The following RELN variants were observed in gnomAD, a reference collection of about 807,000 sequenced individuals.
RELN encodes the protein reelin.
In RELN, 108 loss-of-function variants were observed where a neutral mutation model predicts 427.6. The observed-to-expected ratio is 0.25, with a 90% CI of 0.22 to 0.30. RELN has a LOEUF of 0.30. RELN is among the 10% of genes least tolerant of loss of function. The pLI, the probability that RELN is intolerant of heterozygous loss-of-function variation, is 1.00. For missense variants in RELN, 3,715 were observed against 4,302.8 expected (o/e 0.86, Z 3.82); for synonymous variants, 1,524 against 1,513.4 (o/e 1.01, Z -0.16).
intron 2 of RELN, among the ~76,000 whole-genome samples, chr7:103,877,739 T>C (rs1044991172): frequency 2.0e-5 from 3 of 152,040 alleles, no homozygotes; most frequent in African/African-American, 7.2e-5. Context: ...TCTCCAGCCA[T>C]CCTAAACTCC....
intron 8 of RELN, among the ~76,000 whole-genome samples, chr7:103,713,037 G>C (rs1789844900): frequency 6.6e-6 from 1 of 152,126 alleles, no homozygotes; most frequent in Non-Finnish European, 1.5e-5. Context: ...TTAAAAATGA[G>C]CTGCCTTTTC....
In RELN at chr7:103,555,156, G is replaced by C. The variant is rs932024140; in HGVS notation, c.5798-1325C>G. 4.6e-5 allele frequency among the ~76,000 whole-genome samples: 7 copies of C among 152,122 alleles called. No homozygotes were observed. In the East Asian group the frequency reaches 1.2e-3, roughly 25 times the overall value. On this transcript the variant is annotated intron_variant, in intron 38 of 64. Coordinates refer to ENST00000428762, the MANE Select transcript of RELN (RefSeq NM_005045.4). ...CCAGGTGTTTAAGGAATATGTTAGA[G>C]TAGATAATAACGGCAAAAGCCAGGC... is the stretch of plus-strand genomic sequence containing the variant.
At chr7:103,755,314 A>C (rs1275116992) in intron 4 of RELN, among the ~76,000 whole-genome samples, 2 of 152,060 alleles carry the variant, frequency 1.3e-5, no homozygotes, top group African/African-American at 4.8e-5. Context: ...TAAAAATAAA[A>C]AAATAAAAAA....
rs3217000 is a variant in RELN, at chr7:103,486,042, CAT to C, written c.9983+153_9983+154del. On this transcript the variant is annotated intron_variant, in intron 61 of 64. Transcript: ENST00000428762. Reference sequence around the variant, plus strand: ...CGAAACATAATTCTGAGTTGTGAAACATATATGCTTCCTTGTCCCAAATTCAA... The same window carrying C: ...CGAAACATAATTCTGAGTTGTGAAACATATGCTTCCTTGTCCCAAATTCAA... 0.13 allele frequency among the ~76,000 whole-genome samples: 20,059 copies of C among 152,138 alleles called. 1,508 individuals carry two copies. Among genetic ancestry groups the C allele is most frequent in the East Asian group, 0.26 (1,340 of 5,178 alleles).
At chr7:103,861,478 TAG>T (rs1214434356) in intron 2 of RELN, among the ~76,000 whole-genome samples, 6 of 152,146 alleles carry the variant, frequency 3.9e-5, no homozygotes, top group African/African-American at 1.4e-4. Flanking sequence ...AGGTATATTT[TAG>T]AGAGTGGCAC....
intron 64 of RELN, among the ~76,000 whole-genome samples, chr7:103,474,806 GAAAA>G (rs57064398): frequency 7.4e-6 from 1 of 135,700 alleles, no homozygotes; most frequent in East Asian, 2.2e-4. Context: ...TTCCTTTTAT[GAAAA>G]AAAAAAAAAA....
chr7:103,749,550 T>C (rs1554411650), intron 5 of RELN, 46 bp from the exon 6 acceptor site: 10 of 1,337,850 alleles, frequency 7.5e-6, no homozygotes, highest in Non-Finnish European at 3.2e-6. Context: ...ACTACAACAG[T>C]ACATTTAGCT....
At chr7:103,784,159 A>G (rs907319219) in intron 3 of RELN, among the ~76,000 whole-genome samples, 1 of 152,174 alleles carries the variant, frequency 6.6e-6, no homozygotes, top group Non-Finnish European at 1.5e-5. Context: ...CATGATTATC[A>G]CAAAGTTTTA....
intron 28 of RELN, among the ~76,000 whole-genome samples, chr7:103,582,988 G>A (rs1454042077): frequency 6.6e-6 from 1 of 152,142 alleles, no homozygotes; most frequent in Admixed American, 6.5e-5. Flanking sequence ...AGCTTCCACG[G>A]AGCCAGAAAG....
intron 50 of RELN, among the ~76,000 whole-genome samples, chr7:103,514,791 G>T (rs550568890): frequency 2.0e-5 from 3 of 152,048 alleles, no homozygotes; most frequent in African/African-American, 7.2e-5. Context: ...AAATGTGTCT[G>T]CCCTGTAGCA....
intron 19 of RELN, among the ~76,000 whole-genome samples, chr7:103,633,917 A>G (rs1394987489): frequency 6.6e-6 from 1 of 152,090 alleles, no homozygotes; most frequent in African/African-American, 2.4e-5. Context: ...TCTACTCAGT[A>G]AGAAAGTTGA....
At position 103,853,453 on chromosome 7, in the gene RELN, T is replaced by C. The variant is rs529955952; in HGVS notation, c.338-19781A>G. Among the ~76,000 whole-genome samples the C allele has an allele frequency of 1.2e-4, 18 of 152,138 alleles. No homozygotes were observed. The East Asian group carries it at 3.1e-3, about 26-fold the overall frequency. On this transcript the variant is annotated intron_variant, in intron 2 of 64. Coordinates refer to ENST00000428762, the MANE Select transcript of RELN (RefSeq NM_005045.4). ...TCTGAATGAGTATATTTCTACCATA[T>C]GGCTTCTTTTAGGCTTTATGTAGAA...
chr7:103,622,494 A>G (rs561358535), intron 20 of RELN, among the ~76,000 whole-genome samples: 1 of 152,350 alleles, frequency 6.6e-6, no homozygotes, highest in East Asian at 1.9e-4. Context: ...GGAAGATTAC[A>G]TCACTCCCCT....
chr7:103,547,067 T>A (rs362766), intron 41 of RELN, among the ~76,000 whole-genome samples: 7,482 of 152,298 alleles, frequency 0.049, 283 homozygotes, highest in East Asian at 0.21. Context: ...AAGACAGATT[T>A]ATTTTAGAAT....
chr7:103,773,118 T>TTC (rs774119384), intron 4 of RELN, among the ~76,000 whole-genome samples: 1 of 78,864 alleles, frequency 1.3e-5, no homozygotes, highest in African/African-American at 4.0e-5. Flanking sequence ...CTTTCTTTCT[T>TTC]TCTTTCTTTC....
At chr7:103,481,328 C>G (rs1052865388) in intron 63 of RELN, among the ~76,000 whole-genome samples, 1 of 152,198 alleles carries the variant, frequency 6.6e-6, no homozygotes, top group East Asian at 1.9e-4. Flanking sequence ...GGCAGGATTA[C>G]TATCCTGCCT....
At chr7:103,509,411 C>A (rs1185547324) in intron 51 of RELN, among the ~76,000 whole-genome samples, 1 of 152,140 alleles carries the variant, frequency 6.6e-6, no homozygotes, top group Non-Finnish European at 1.5e-5. Flanking sequence ...GGAAAGGATT[C>A]CCTATTTAAT....
rs761581574 is a variant in RELN at position 103,603,259 on chromosome 7, A to G, written c.3333+45T>C. ...CATTTGGAATTCAGAGTCTCATATT[A>G]AACTAGCCATTGCCCCGATGACTTA... On this transcript the variant is annotated intron_variant, in intron 24 of 64. Coordinates refer to ENST00000428762, the MANE Select transcript of RELN (RefSeq NM_005045.4). This position sits in a 1 kb window ranked among gnomAD's most constrained non-coding sequence, Gnocchi z 4.3. 1 of 1,466,510 alleles carries G rather than the reference A, an allele frequency of 6.8e-7. No individual in the cohort carries two copies. The highest frequency in any genetic ancestry group is 1.1e-5 in the South Asian group (1 of 87,854). The allele number at this position is 1,466,510 out of a possible 1,614,324, so 90.8% of individuals were successfully genotyped here. A position where few individuals can be genotyped will look rare whatever the true frequency, so the allele number is the denominator to read the frequency against.
intron 6 of RELN, among the ~76,000 whole-genome samples, chr7:103,737,789 T>C (rs1253628611): frequency 1.3e-5 from 2 of 152,218 alleles, no homozygotes; most frequent in Admixed American, 6.5e-5. Flanking sequence ...CATTTACATA[T>C]GAAAATGGAA....
Sources: gnomAD v4.1 joint callset for allele counts (sites outside exome capture counted in the v4.1 genomes callset) on GRCh38, gnomAD v4.1.1 for gene constraint, Gnocchi (gnomAD v3.1) non-coding constraint, MANE v1.5 for transcripts, NCBI Gene and HGNC (gene_info 2026-07-23, HGNC 2026-07-21) for gene names.